The following EIF2AK3 variants were observed in gnomAD, a reference collection of about 807,000 sequenced individuals.
The protein encoded by EIF2AK3 is eukaryotic translation initiation factor 2 alpha kinase 3, also known as eukaryotic translation initiation factor 2-alpha kinase 3.
In EIF2AK3, 50 loss-of-function variants were observed where a neutral mutation model predicts 113.5. The ratio of observed to expected loss-of-function variants is 0.44; its 90% CI spans 0.35 to 0.56. The LOEUF (loss-of-function observed/expected upper bound fraction) is 0.56, where lower values mean the gene tolerates loss of function less well. Among genes scored for constraint, EIF2AK3 ranks in the 20% least tolerant of loss-of-function variants. EIF2AK3 has a pLI of 0.00. For synonymous variants in EIF2AK3, 448 were observed against 495.4 expected (o/e 0.90, Z 1.27); for missense variants, 1,185 against 1,378.0 (o/e 0.86, Z 2.22).
intron 2 of EIF2AK3, among the ~76,000 whole-genome samples, chr2:88,607,981 G>A (rs760954706): frequency 6.6e-6 from 1 of 152,126 alleles, no homozygotes; most frequent in Non-Finnish European, 1.5e-5. Context: ...CACACAGTAA[G>A]TTAATGGAAG....
At chr2:88,625,284 TACACACACACAC>T (rs375827301) in intron 1 of EIF2AK3, among the ~76,000 whole-genome samples, 158 of 135,260 alleles carry the variant, frequency 1.2e-3, no homozygotes, top group African/African-American at 3.5e-3. Flanking sequence ...ATCGCTTACG[TACACACACACAC>T]ACACACACAC....
At chr2:88,568,499 C>A (rs957942939) in intron 14 of EIF2AK3, among the ~76,000 whole-genome samples, 1 of 152,216 alleles carries the variant, frequency 6.6e-6, no homozygotes, top group Non-Finnish European at 1.5e-5. Flanking sequence ...TTTATTAAAT[C>A]TCAACCTTTA....
intron 12 of EIF2AK3, among the ~76,000 whole-genome samples, chr2:88,576,238 T>A (rs1344927011): frequency 6.6e-6 from 1 of 152,180 alleles, no homozygotes. Flanking sequence ...TTTTTTAAAA[T>A]GTAAGTTCTC....
chr2:88,563,479 G>T lies in EIF2AK3; in HGVS notation c.2986-1089C>A, dbSNP rs572921341. Among the ~76,000 whole-genome samples, 5 of 152,210 alleles carry T rather than the reference G, an allele frequency of 3.3e-5. No homozygotes were observed. The South Asian group carries it at 1.0e-3, about 32-fold the overall frequency. On this transcript the variant is annotated intron_variant, in intron 14 of 16. Transcript: ENST00000303236. ...AAAATGTGCAAAAACAAATCTTATA[G>T]GGGAACTGAAAAGGACACCCTCACA...
Position 88,590,852 on chromosome 2 carries a change from C to G in EIF2AK3, c.968G>C (p.Ser323Thr), listed in dbSNP as rs1193957620. 1.2e-6 allele frequency: 2 copies of G among 1,614,122 alleles called. No homozygotes were observed. The highest frequency in any genetic ancestry group is 1.7e-6 in the Non-Finnish European group (2 of 1,179,996). The change falls in exon 5 of 17, where the codon AGT becomes ACT. Residue 323 changes from serine to threonine, a missense_variant. Ser to Thr is a moderately conservative substitution (Grantham distance 58, BLOSUM62 1). Transcript: ENST00000303236. ...SVADWKVMAFSKKGGHLEWEY... is the reference protein window; with the variant it reads ...SVADWKVMAFTKKGGHLEWEY... ...CCATTCCAGATGTCCTCCCTTCTTA[C>G]TGAATGCCATAACTTTCCAGTCAGC...
chr2:88,582,453 G>A (rs1189132100), intron 10 of EIF2AK3, among the ~76,000 whole-genome samples: 2 of 152,230 alleles, frequency 1.3e-5, no homozygotes, highest in East Asian at 1.9e-4. Context: ...AATTACAACC[G>A]GCTGAGGTGT....
chr2:88,611,046 C>T (rs1469728346), intron 2 of EIF2AK3, among the ~76,000 whole-genome samples: 2 of 152,072 alleles, frequency 1.3e-5, no homozygotes, highest in Non-Finnish European at 2.9e-5. Context: ...TCTTTAGAGC[C>T]CTCAATAATT....
intron 2 of EIF2AK3, among the ~76,000 whole-genome samples, chr2:88,608,706 T>C (rs1456426708): frequency 4.1e-5 from 5 of 121,974 alleles, no homozygotes; most frequent in African/African-American, 1.6e-4. Flanking sequence ...ATTTCTTTTT[T>C]TTTTTTTTTT....
At chr2:88,617,635 T>C (rs931420083) in intron 1 of EIF2AK3, among the ~76,000 whole-genome samples, 1 of 151,870 alleles carries the variant, frequency 6.6e-6, no homozygotes, top group Non-Finnish European at 1.5e-5. Flanking sequence ...TGCATGCCTG[T>C]AGTCCCACCT....
At chr2:88,614,841 T>C (rs1189282999) in intron 1 of EIF2AK3, among the ~76,000 whole-genome samples, 1 of 152,178 alleles carries the variant, frequency 6.6e-6, no homozygotes, top group African/African-American at 2.4e-5. Context: ...CTTCTCCCCT[T>C]TCTCACTCCT....
intron 1 of EIF2AK3, among the ~76,000 whole-genome samples, chr2:88,619,951 G>A (rs1168232968): frequency 3.1e-4 from 29 of 93,318 alleles, no homozygotes; most frequent in Admixed American, 4.2e-4. Context: ...GCGAGACTCC[G>A]TCTCAAAAAA....
intron 1 of EIF2AK3, among the ~76,000 whole-genome samples, chr2:88,617,621 G>T (rs1222345135): frequency 6.6e-6 from 1 of 151,964 alleles, no homozygotes; most frequent in Non-Finnish European, 1.5e-5. Flanking sequence ...GCCGGGCGTG[G>T]TGGTGCATGC....
At chr2:88,571,617 A>C (rs1273610356) in intron 13 of EIF2AK3, among the ~76,000 whole-genome samples, 3 of 152,200 alleles carry the variant, frequency 2.0e-5, no homozygotes, top group African/African-American at 7.2e-5. Context: ...TGGCTCTATG[A>C]GGAAAGGACC....
At chr2:88,589,010 C>A in intron 6 of EIF2AK3, 109 bp from the exon 7 acceptor site, 1 of 1,291,838 alleles carries the variant, frequency 7.7e-7, no homozygotes, top group East Asian at 2.5e-5. Context: ...CCACAAAACT[C>A]TTGTCAAAGA....
intron 9 of EIF2AK3, among the ~76,000 whole-genome samples, chr2:88,585,097 A>G (rs1674687266): frequency 6.6e-6 from 1 of 152,150 alleles, no homozygotes; most frequent in South Asian, 2.1e-4. Flanking sequence ...GAGGCCAGTT[A>G]GAAGTTATTT....
intron 8 of EIF2AK3, among the ~76,000 whole-genome samples, chr2:88,587,604 C>T (rs1030739707): frequency 6.6e-6 from 1 of 152,156 alleles, no homozygotes; most frequent in African/African-American, 2.4e-5. Context: ...ATAATATAGT[C>T]TGATAAATAA....
chr2:88,576,783 C>T (rs1573394698), intron 11 of EIF2AK3, 80 bp from the exon 12 acceptor site: 13 of 1,467,320 alleles, frequency 8.9e-6, no homozygotes, highest in Middle Eastern at 2.3e-4. Context: ...GACTTATACC[C>T]CTAAAATATG....
At chr2:88,607,813 G>GA (rs546508650) in intron 2 of EIF2AK3, among the ~76,000 whole-genome samples, 99 of 152,314 alleles carry the variant, frequency 6.5e-4, no homozygotes, top group African/African-American at 2.3e-3. Flanking sequence ...TAGTAAAAGG[G>GA]AAAGTTCAAA....
intron 14 of EIF2AK3, among the ~76,000 whole-genome samples, chr2:88,564,439 C>T (rs751489732): frequency 3.3e-5 from 5 of 152,132 alleles, no homozygotes; most frequent in Non-Finnish European, 4.4e-5. Context: ...AACCACTATA[C>T]ATTGCCATAA....
Sources: allele counts gnomAD v4.1 joint callset (sites outside exome capture counted in the v4.1 genomes callset), GRCh38; gene constraint gnomAD v4.1.1; transcripts MANE v1.5; gene names NCBI Gene and HGNC (gene_info 2026-07-23, HGNC 2026-07-21).